The following SLC44A1 variants were observed in gnomAD, a reference collection of about 807,000 sequenced individuals.
SLC44A1 encodes choline transporter-like protein 1.
SLC44A1 carries 26 observed loss-of-function variants against 79.3 expected under a neutral mutation model. The ratio of observed to expected loss-of-function variants is 0.33; its 90% CI spans 0.24 to 0.46. The LOEUF is 0.46. Among genes scored for constraint, SLC44A1 ranks in the 20% least tolerant of loss-of-function variants. The pLI, the probability that SLC44A1 is intolerant of heterozygous loss-of-function variation, is 1.00. For missense variants in SLC44A1, 688 were observed against 798.1 expected (o/e 0.86, Z 1.66); for synonymous variants, 263 against 286.2 (o/e 0.92, Z 0.82).
At chr9:105,356,105 G>T in intron 5 of SLC44A1, 107 bp from the exon 6 acceptor site, 1 of 806,850 alleles carries the variant, frequency 1.2e-6, no homozygotes, top group East Asian at 2.5e-5. Flanking sequence ...ATGTGTGGAG[G>T]GTGGAGTGTA....
chr9:105,342,538 A>G (rs1827126594), intron 4 of SLC44A1, among the ~76,000 whole-genome samples: 1 of 152,140 alleles, frequency 6.6e-6, no homozygotes, highest in African/African-American at 2.4e-5. Flanking sequence ...CAGCCCAGCC[A>G]TACCAAGACA....
intron 1 of SLC44A1, among the ~76,000 whole-genome samples, chr9:105,289,968 C>T (rs531052120): frequency 6.6e-6 from 1 of 152,166 alleles, no homozygotes; most frequent in South Asian, 2.1e-4. Flanking sequence ...TGCCCACCAC[C>T]ATGCCTGGCG....
intron 1 of SLC44A1, among the ~76,000 whole-genome samples, chr9:105,269,681 C>T (rs1403506254): frequency 6.6e-6 from 1 of 152,180 alleles, no homozygotes; most frequent in Non-Finnish European, 1.5e-5. Context: ...TTTCTTCCCC[C>T]TTTTAAAACC....
At chr9:105,245,509 G>A (rs1829416692) in intron 1 of SLC44A1, among the ~76,000 whole-genome samples, 2 of 152,278 alleles carry the variant, frequency 1.3e-5, no homozygotes, top group South Asian at 4.1e-4. Context: ...TCGCTTGCTC[G>A]CTTGCACCCC....
intron 15 of SLC44A1, among the ~76,000 whole-genome samples, chr9:105,404,693 T>C (rs536861264): frequency 2.0e-5 from 3 of 152,322 alleles, no homozygotes; most frequent in South Asian, 4.1e-4. Context: ...AGAGTTGTTA[T>C]CTCCTTATTT....
At chr9:105,278,540 G>T (rs368510634) in intron 1 of SLC44A1, among the ~76,000 whole-genome samples, 2 of 152,186 alleles carry the variant, frequency 1.3e-5, no homozygotes, top group African/African-American at 2.4e-5. Flanking sequence ...GAGCCACCGC[G>T]CCTGGCCTTT....
At chr9:105,346,934 A>G (rs1204537788) in intron 4 of SLC44A1, among the ~76,000 whole-genome samples, 62 of 152,240 alleles carry the variant, frequency 4.1e-4, no homozygotes. Flanking sequence ...TATATGCTAC[A>G]TGCACTCATT....
At chr9:105,298,748 C>G (rs1293409157) in intron 1 of SLC44A1, among the ~76,000 whole-genome samples, 1 of 151,966 alleles carries the variant, frequency 6.6e-6, no homozygotes, top group Admixed American at 6.6e-5. Context: ...TCTGGACACA[C>G]AAAGAAAAAG....
At chr9:105,351,358 A>C (rs1827398597) in intron 5 of SLC44A1, among the ~76,000 whole-genome samples, 2 of 152,044 alleles carry the variant, frequency 1.3e-5, no homozygotes, top group Non-Finnish European at 2.9e-5. Flanking sequence ...ACATGGTGGA[A>C]CCTCGTCTCT....
intron 1 of SLC44A1, among the ~76,000 whole-genome samples, chr9:105,279,918 A>G (rs1363629364): frequency 6.6e-6 from 1 of 152,236 alleles, no homozygotes; most frequent in Non-Finnish European, 1.5e-5. Flanking sequence ...AGTTAGAAAC[A>G]TGTAGCATAA....
intron 3 of SLC44A1, among the ~76,000 whole-genome samples, chr9:105,333,229 C>T (rs1038757643): frequency 6.6e-6 from 1 of 151,292 alleles, no homozygotes; most frequent in Non-Finnish European, 1.5e-5. Context: ...GCAGCAAGGC[C>T]CTGGCAGCTT....
chr9:105,390,300 A>T lies in SLC44A1; in HGVS notation c.*1244A>T, dbSNP rs1430421864. 1 of 1,002,360 alleles carries T rather than the reference A, an allele frequency of 1.0e-6. No individual in the cohort carries two copies. Among genetic ancestry groups the T allele is most frequent in the African/African-American group, 1.7e-5 (1 of 58,170 alleles). The allele number at this position is 1,002,360 out of a possible 1,614,324, so 62.1% of individuals were successfully genotyped here. A position where few individuals can be genotyped will look rare whatever the true frequency, so the allele number is the denominator to read the frequency against. ...AAAAAAAGTGTAATTTGCTAAGAAT[A>T]ATTCATGATCTGTTTATGCGATAAC... On this transcript the variant is annotated 3_prime_UTR_variant, in exon 16 of 16. Coordinates refer to ENST00000374720, the MANE Select transcript of SLC44A1 (RefSeq NM_080546.5).
rs551799261 is a variant in SLC44A1, at chr9:105,325,053, A to C, written c.270-10510A>C. Among the ~76,000 whole-genome samples the C allele has an allele frequency of 3.9e-3, 595 of 152,364 alleles. 2 individuals are homozygous for C. The highest frequency in any genetic ancestry group is 0.013 in the African/African-American group (537 of 41,586). ...TGTCCCCACAAAGACTTGTACATGA[A>C]CATTCATAGCAGCTGCAGCATCTAA... On this transcript the variant is annotated intron_variant, in intron 3 of 15. Transcript: ENST00000374720.
At chr9:105,304,344 AC>A (rs912418230) in intron 2 of SLC44A1, among the ~76,000 whole-genome samples, 6 of 152,154 alleles carry the variant, frequency 3.9e-5, no homozygotes, top group African/African-American at 1.4e-4. Flanking sequence ...TCCAAAAATT[AC>A]CATAAGGTTA....
chr9:105,264,167 TTTTG>T (rs766305854), intron 1 of SLC44A1, among the ~76,000 whole-genome samples: 40 of 152,168 alleles, frequency 2.6e-4, no homozygotes, highest in East Asian at 9.7e-4. Flanking sequence ...GTTCAGTCTT[TTTTG>T]TTTGTTTGTT....
intron 1 of SLC44A1, among the ~76,000 whole-genome samples, chr9:105,254,037 C>CAAAG (rs1023729732): frequency 6.6e-6 from 1 of 152,000 alleles, no homozygotes; most frequent in Admixed American, 6.6e-5. Flanking sequence ...CTGTCTTAAA[C>CAAAG]AAAGAAACAA....
At chr9:105,257,838 C>T (rs947492575) in intron 1 of SLC44A1, among the ~76,000 whole-genome samples, 1 of 152,082 alleles carries the variant, frequency 6.6e-6, no homozygotes, top group African/African-American at 2.4e-5. Context: ...GGAAAGGAGA[C>T]CTGACCAGAG....
chr9:105,316,819 C>T lies in SLC44A1; in HGVS notation c.269+6953C>T, dbSNP rs2131323180. On this transcript the variant is annotated intron_variant, in intron 3 of 15. Transcript: ENST00000374720. ...CTGGAACCACCATTGTATTACTTTCCTAATGTTGCTGTAACAAATTACCAT... is the reference window on the plus strand; with the variant it reads ...CTGGAACCACCATTGTATTACTTTCTTAATGTTGCTGTAACAAATTACCAT... Among the ~76,000 whole-genome samples the T allele has an allele frequency of 3.9e-5, 6 of 152,282 alleles. 1 individual carries two copies. In the Middle Eastern group the frequency reaches 0.01, roughly 259 times the overall value.
intron 7 of SLC44A1, among the ~76,000 whole-genome samples, chr9:105,360,133 C>T (rs1164746750): frequency 6.6e-6 from 1 of 152,150 alleles, no homozygotes; most frequent in Non-Finnish European, 1.5e-5. Context: ...CAATGGTCTT[C>T]TTTCTCTCAT....
Sources: gnomAD v4.1 joint callset for allele counts (sites outside exome capture counted in the v4.1 genomes callset) on GRCh38, gnomAD v4.1.1 for gene constraint, MANE v1.5 for transcripts, NCBI Gene and HGNC (gene_info 2026-07-23, HGNC 2026-07-21) for gene names.